Variants in SNX29 observed in about 807,000 individuals in gnomAD.
The protein encoded by SNX29 is sorting nexin 29, also known as sorting nexin-29.
Under a neutral mutation model 102.1 loss-of-function variants are expected in SNX29, and 78 were observed. The observed-to-expected ratio is 0.76, with a 90% CI of 0.64 to 0.92. SNX29 has a LOEUF of 0.92. Ranked by LOEUF, SNX29 falls within the 40% of genes least tolerant of loss-of-function variation. The pLI is 0.00. For missense variants in SNX29, 1,280 were observed against 1,061.7 expected, an observed-to-expected ratio of 1.21 and a Z score of -2.86; for synonymous variants, 580 against 414.5, an observed-to-expected ratio of 1.40 and a Z score of -4.85.
At chr16:12,567,858 C>A (rs960162766) in intron 20 of SNX29, among the ~76,000 whole-genome samples, 1 of 152,166 alleles carries the variant, frequency 6.6e-6, no homozygotes, top group Non-Finnish European at 1.5e-5. Context: ...CTACCCTATC[C>A]CCTAAAAAAT....
chr16:11,988,282 C>T (rs7206479), intron 1 of SNX29, among the ~76,000 whole-genome samples: 49,976 of 141,386 alleles, frequency 0.35, 8,982 homozygotes, highest in East Asian at 0.64. Context: ...CGACAGAGTG[C>T]GACTCCATCT....
rs1039644845 is a variant in SNX29, at chr16:12,568,539, C to G, written c.2352C>G (p.Ser784Arg). ...CCCCGCCCGGAGAGCCTGTGAACAG[C>G]CGGCCCAAAGCAGCTTCCCGCTTCC... is the stretch of plus-strand genomic sequence containing the variant. Reference protein sequence around the residue: ...DITPPGEPVNSRPKAASRFPK... With the variant: ...DITPPGEPVNRRPKAASRFPK... Residue 784 changes from serine (S) to arginine (R), a missense_variant, in exon 21 of 21, where the codon AGC becomes AGG. Ser to Arg is a moderately radical substitution (Grantham distance 110). Transcript: ENST00000566228. The G allele has an allele frequency of 3.1e-6, 5 of 1,609,596 alleles. No individual in the cohort carries two copies. The African/African-American group carries it at 5.3e-5, about 17-fold the overall frequency.
intron 18 of SNX29, among the ~76,000 whole-genome samples, chr16:12,464,514 T>C (rs768384679): frequency 1.3e-5 from 2 of 152,168 alleles, no homozygotes; most frequent in African/African-American, 4.8e-5. Flanking sequence ...AGTGCAGTGA[T>C]GCGATCACAG....
At position 12,542,694 on chromosome 16, in the gene SNX29, G is replaced by A. The variant is rs9921157; in HGVS notation, c.2318+17853G>A. On this transcript the variant is annotated intron_variant, in intron 20 of 20. Coordinates refer to ENST00000566228, the MANE Select transcript of SNX29 (RefSeq NM_032167.5). ...GTTGGGAACATGGACTTTGGGGCCA[G>A]GCTGGTGTTGGTCCCAGTCTTTTAC... Among the ~76,000 whole-genome samples the A allele has an allele frequency of 2.4e-3, 370 of 152,230 alleles. 1 individual carries two copies. Among genetic ancestry groups the A allele is most frequent in the African/African-American group, 8.7e-3 (363 of 41,538 alleles).
intron 20 of SNX29, among the ~76,000 whole-genome samples, chr16:12,564,902 T>A (rs2078929698): frequency 1.4e-5 from 2 of 145,044 alleles, no homozygotes; most frequent in African/African-American, 5.1e-5. Context: ...GGAGGAGGCA[T>A]CTGCAGCAGG....
chr16:12,395,763 AC>A (rs2083697735), intron 16 of SNX29, among the ~76,000 whole-genome samples: 1 of 152,188 alleles, frequency 6.6e-6, no homozygotes, highest in Non-Finnish European at 1.5e-5. Context: ...GATTTTTCTT[AC>A]AAAATAATCT....
intron 18 of SNX29, among the ~76,000 whole-genome samples, chr16:12,436,180 C>T (rs563230595): frequency 6.6e-6 from 1 of 152,298 alleles, no homozygotes; most frequent in East Asian, 1.9e-4. Flanking sequence ...GAGACCCCTG[C>T]TATGCTCTGC....
intron 13 of SNX29, among the ~76,000 whole-genome samples, chr16:12,181,269 C>G (rs1225176066): frequency 6.6e-6 from 1 of 152,142 alleles, no homozygotes; most frequent in Non-Finnish European, 1.5e-5. Flanking sequence ...CCGGAGGTCC[C>G]GAGGACATGT....
chr16:12,492,846 T>A (rs1226567797), intron 19 of SNX29, among the ~76,000 whole-genome samples: 2 of 152,246 alleles, frequency 1.3e-5, no homozygotes, highest in Non-Finnish European at 2.9e-5. Context: ...GTTGTAGATA[T>A]GCAGCATTAT....
chr16:12,198,373 G>GT (rs1382126217), intron 13 of SNX29, among the ~76,000 whole-genome samples: 1 of 147,352 alleles, frequency 6.8e-6, no homozygotes, highest in East Asian at 1.9e-4. Context: ...TGTTAATAGG[G>GT]TTTATTTCAA....
intron 4 of SNX29, among the ~76,000 whole-genome samples, chr16:12,040,143 C>G (rs577259225): frequency 6.6e-6 from 1 of 152,228 alleles, no homozygotes; most frequent in African/African-American, 2.4e-5. Context: ...GCAAGAGGAT[C>G]GCTTGAAGCC....
chr16:12,430,852 CTTTT>C (rs56349621), intron 18 of SNX29, among the ~76,000 whole-genome samples: 2 of 139,120 alleles, frequency 1.4e-5, no homozygotes, highest in African/African-American at 2.6e-5. Flanking sequence ...TTGACGCAGT[CTTTT>C]TTTTTTTTTT....
At chr16:12,012,590 G>A (rs955313875) in intron 3 of SNX29, among the ~76,000 whole-genome samples, 19 of 152,006 alleles carry the variant, frequency 1.2e-4, no homozygotes, top group Middle Eastern at 3.4e-3. Context: ...TGTATTTCTC[G>A]TGGAGATGAG....
intron 16 of SNX29, among the ~76,000 whole-genome samples, chr16:12,392,310 C>G (rs7201236): frequency 6.6e-6 from 1 of 152,288 alleles, no homozygotes; most frequent in South Asian, 2.1e-4. Context: ...CAACAAATGT[C>G]TTTGTATCCT....
At chr16:12,565,226 T>G (rs1159651643) in intron 20 of SNX29, among the ~76,000 whole-genome samples, 5 of 152,304 alleles carry the variant, frequency 3.3e-5, no homozygotes, top group South Asian at 2.1e-4. Context: ...TTACCAGTAT[T>G]AGGCTGTTCT....
intron 18 of SNX29, among the ~76,000 whole-genome samples, chr16:12,428,518 C>T (rs1457586629): frequency 6.6e-6 from 1 of 152,200 alleles, no homozygotes; most frequent in Non-Finnish European, 1.5e-5. Context: ...GATACAGTTG[C>T]AATTAATATC....
intron 18 of SNX29, among the ~76,000 whole-genome samples, chr16:12,419,019 G>C (rs559765996): frequency 1.1e-3 from 166 of 152,268 alleles, no homozygotes; most frequent in African/African-American, 3.7e-3. Context: ...CAGGGCCGGG[G>C]GTGCTGCTCA....
chr16:12,233,368 A>C (rs2077828245), intron 14 of SNX29, among the ~76,000 whole-genome samples: 1 of 152,232 alleles, frequency 6.6e-6, no homozygotes, highest in Admixed American at 6.5e-5. Flanking sequence ...GTTCTGACTT[A>C]TAAGTGGGAG....
intron 11 of SNX29, among the ~76,000 whole-genome samples, chr16:12,093,064 G>T (rs1189815676): frequency 6.6e-6 from 1 of 152,200 alleles, no homozygotes; most frequent in Non-Finnish European, 1.5e-5. Context: ...TATGGAGTTT[G>T]TAGAGGTGAA....
Sources: gnomAD v4.1 joint callset for allele counts (sites outside exome capture counted in the v4.1 genomes callset) on GRCh38, gnomAD v4.1.1 for gene constraint, MANE v1.5 for transcripts, NCBI Gene and HGNC (gene_info 2026-07-23, HGNC 2026-07-21) for gene names.